Variants in GRM7 observed in about 807,000 individuals in gnomAD.
GRM7 encodes glutamate metabotropic receptor 7, also known as metabotropic glutamate receptor 7.
GRM7 carries 35 observed loss-of-function variants against 84.5 expected under a neutral mutation model. The ratio of observed to expected loss-of-function variants is 0.41; its 90% CI spans 0.32 to 0.55. The LOEUF is 0.55. Ranked by LOEUF, GRM7 falls within the 20% of genes least tolerant of loss-of-function variation. The pLI is 0.19. For synonymous variants in GRM7, 487 were observed against 455.1 expected, an observed-to-expected ratio of 1.07 and a Z score of -0.89; for missense variants, 1,003 against 1,194.6, an observed-to-expected ratio of 0.84 and a Z score of 2.36.
At chr3:7,260,418 A>C (rs1474832915) in intron 2 of GRM7, among the ~76,000 whole-genome samples, 1 of 151,962 alleles carries the variant, frequency 6.6e-6, no homozygotes, top group Non-Finnish European at 1.5e-5. Context: ...AATTTCTTCC[A>C]GTTTCAGTCT....
At chr3:7,446,630 T>A (rs2124881041) in intron 5 of GRM7, among the ~76,000 whole-genome samples, 1 of 152,138 alleles carries the variant, frequency 6.6e-6, no homozygotes, top group Non-Finnish European at 1.5e-5. Context: ...CGGCTAATTT[T>A]TGTGTATTTG....
chr3:6,902,881 A>ACC (rs1553587674), intron 1 of GRM7, among the ~76,000 whole-genome samples: 20 of 143,820 alleles, frequency 1.4e-4, no homozygotes, highest in African/African-American at 5.2e-4. Context: ...ACACACACAC[A>ACC]CCCCTACTCT....
At chr3:7,650,870 A>C (rs902630036) in intron 8 of GRM7, among the ~76,000 whole-genome samples, 1 of 152,310 alleles carries the variant, frequency 6.6e-6, no homozygotes, top group African/African-American at 2.4e-5. Context: ...GGCATGAGCC[A>C]CTGCATCCGG....
intron 1 of GRM7, among the ~76,000 whole-genome samples, chr3:6,886,613 G>C (rs1175490590): frequency 6.6e-6 from 1 of 151,774 alleles, no homozygotes; most frequent in Non-Finnish European, 1.5e-5. Flanking sequence ...TATTCCTCAT[G>C]ATTTTTTTTC....
intron 2 of GRM7, among the ~76,000 whole-genome samples, chr3:7,239,627 G>T (rs1697475269): frequency 6.6e-6 from 1 of 152,112 alleles, no homozygotes; most frequent in Non-Finnish European, 1.5e-5. Context: ...AAAGCAGATG[G>T]CTCTTCCTAA....
At chr3:7,202,834 C>T (rs540760710) in intron 2 of GRM7, among the ~76,000 whole-genome samples, 2 of 152,314 alleles carry the variant, frequency 1.3e-5, no homozygotes, top group East Asian at 3.9e-4. Flanking sequence ...TTTACCTCTA[C>T]TTTCACAATC....
intron 1 of GRM7, among the ~76,000 whole-genome samples, chr3:7,124,654 G>T (rs562544695): frequency 2.2e-4 from 34 of 152,200 alleles, no homozygotes; most frequent in African/African-American, 8.2e-4. Flanking sequence ...TCTTAGATTA[G>T]AACAATGATA....
At chr3:7,434,450 T>C (rs1664810050) in intron 5 of GRM7, among the ~76,000 whole-genome samples, 1 of 152,222 alleles carries the variant, frequency 6.6e-6, no homozygotes, top group Admixed American at 6.5e-5. Context: ...ACTTTCTGTA[T>C]AATGTTGAAG....
chr3:7,239,311 A>G (rs576790390), intron 2 of GRM7, among the ~76,000 whole-genome samples: 2 of 152,038 alleles, frequency 1.3e-5, no homozygotes, highest in African/African-American at 2.4e-5. Context: ...TAACATCCAC[A>G]TTTCTAATGC....
Position 7,312,412 on chromosome 3 carries a change from G to GT in GRM7, c.1033+5760_1033+5761insT, listed in dbSNP as rs575210173. ...AGGCAATCAGTAGACTCATATGAGA[G>GT]AAGTAGGTGGACAACCTTTGGGGAC... is the stretch of plus-strand genomic sequence containing the variant. On this transcript the variant is annotated intron_variant, in intron 4 of 9. Coordinates refer to ENST00000357716, the MANE Select transcript of GRM7 (RefSeq NM_000844.4). Among the ~76,000 whole-genome samples the GT allele has an allele frequency of 2.7e-4, 41 of 152,188 alleles. 3 individuals carry two copies. In the East Asian group the frequency reaches 8.0e-3, roughly 30 times the overall value.
At chr3:7,300,418 T>G (rs1699958019) in intron 3 of GRM7, among the ~76,000 whole-genome samples, 1 of 152,198 alleles carries the variant, frequency 6.6e-6, no homozygotes, top group African/African-American at 2.4e-5. Flanking sequence ...TAAATGAGGA[T>G]TACTTGCTTC....
At chr3:7,196,496 C>T (rs1047130359) in intron 2 of GRM7, among the ~76,000 whole-genome samples, 4 of 152,136 alleles carry the variant, frequency 2.6e-5, no homozygotes, top group Admixed American at 2.6e-4. Context: ...GCTTCAAAGA[C>T]AGGGACCGTC....
At chr3:6,963,830 G>C (rs990919371) in intron 1 of GRM7, among the ~76,000 whole-genome samples, 7 of 152,160 alleles carry the variant, frequency 4.6e-5, no homozygotes, top group African/African-American at 1.7e-4. Flanking sequence ...CTCTCAGTAT[G>C]AGTGAGAAAT....
intron 7 of GRM7, among the ~76,000 whole-genome samples, chr3:7,480,953 GA>G (rs1699104676): frequency 1.3e-5 from 2 of 152,304 alleles, no homozygotes; most frequent in East Asian, 3.9e-4. Flanking sequence ...TTAAAAATGG[GA>G]GTATATTAGA....
At chr3:7,102,673 C>T (rs1699153025) in intron 1 of GRM7, among the ~76,000 whole-genome samples, 1 of 151,764 alleles carries the variant, frequency 6.6e-6, no homozygotes. Flanking sequence ...TCCGAAACTT[C>T]AATTACACAC....
At chr3:7,624,568 T>C (rs1697515911) in intron 8 of GRM7, among the ~76,000 whole-genome samples, 1 of 152,138 alleles carries the variant, frequency 6.6e-6, no homozygotes, top group East Asian at 1.9e-4. Flanking sequence ...TGTAATGTAA[T>C]GGCACATGCT....
chr3:6,961,557 C>T (rs1362071755), intron 1 of GRM7, among the ~76,000 whole-genome samples: 2 of 152,160 alleles, frequency 1.3e-5, no homozygotes, highest in Non-Finnish European at 2.9e-5. Context: ...TCCACACCCT[C>T]CATCAATCGC....
At chr3:7,085,817 T>A (rs1489003119) in intron 1 of GRM7, among the ~76,000 whole-genome samples, 1 of 152,156 alleles carries the variant, frequency 6.6e-6, no homozygotes, top group Non-Finnish European at 1.5e-5. Context: ...CCTCTTGGAA[T>A]ATTGATCTTA....
At chr3:7,276,981 T>A (rs1205635639) in intron 2 of GRM7, among the ~76,000 whole-genome samples, 1 of 152,028 alleles carries the variant, frequency 6.6e-6, no homozygotes, top group African/African-American at 2.4e-5. Context: ...TGGTTGGTTG[T>A]TTTCAACTTG....
Sources: gnomAD v4.1 joint callset for allele counts (sites outside exome capture counted in the v4.1 genomes callset) on GRCh38, gnomAD v4.1.1 for gene constraint, MANE v1.5 for transcripts, NCBI Gene and HGNC (gene_info 2026-07-23, HGNC 2026-07-21) for gene names.